Variants in ATXN1 observed in about 807,000 individuals in gnomAD.
ATXN1 encodes ataxin-1.
In ATXN1, 8 loss-of-function variants were observed where a neutral mutation model predicts 56.4. That is an observed-to-expected ratio of 0.14 (90% CI 0.08 to 0.26). The LOEUF (loss-of-function observed/expected upper bound fraction) is 0.26, where lower values mean the gene tolerates loss of function less well. Among genes scored for constraint, ATXN1 ranks in the 10% least tolerant of loss-of-function variants. ATXN1 has a pLI of 1.00. For missense variants in ATXN1, 987 were observed against 1,106.5 expected (o/e 0.89, Z 1.53); for synonymous variants, 514 against 494.6 (o/e 1.04, Z -0.52).
intron 4 of ATXN1, among the ~76,000 whole-genome samples, chr6:16,559,591 T>C (rs539639483): frequency 6.6e-6 from 1 of 152,266 alleles, no homozygotes. Context: ...TATATAATCA[T>C]AAAATATCCT....
At position 16,731,454 on chromosome 6, in the gene ATXN1, C is replaced by CTTTTTTTTTTTTT. The variant is rs71559655; in HGVS notation, c.-615+21766_-615+21778dup. ...ACGAGAGAGGCTTTTTTTTTCTTTT[C>CTTTTTTTTTTTTT]TTTTTTTTTTTTTTTTTTTTTTTTT... On this transcript the variant is annotated intron_variant, in intron 2 of 7. Coordinates refer to ENST00000436367, the MANE Select transcript of ATXN1 (RefSeq NM_001128164.2). Among the ~76,000 whole-genome samples, 117 of 81,786 alleles carry CTTTTTTTTTTTTT rather than the reference C, an allele frequency of 1.4e-3. 14 individuals carry two copies. Among genetic ancestry groups the CTTTTTTTTTTTTT allele is most frequent in the South Asian group, 2.8e-3 (5 of 1,804 alleles). 53.7% of individuals were successfully genotyped at this position (81,786 alleles called of 152,430 possible). A position where few individuals can be genotyped will look rare whatever the true frequency, so the allele number is the denominator to read the frequency against.
intron 4 of ATXN1, among the ~76,000 whole-genome samples, chr6:16,524,869 A>G (rs1761361084): frequency 6.6e-6 from 1 of 152,288 alleles, no homozygotes; most frequent in South Asian, 2.1e-4. Context: ...CCTGGCCACC[A>G]TGGTAAAACC....
At chr6:16,585,025 G>A (rs1021190945) in intron 4 of ATXN1, among the ~76,000 whole-genome samples, 2 of 151,998 alleles carry the variant, frequency 1.3e-5, no homozygotes, top group South Asian at 2.1e-4. Context: ...TTGAGGTCAC[G>A]AGTTTGAGAC....
At chr6:16,703,278 C>A (rs897239013) in intron 2 of ATXN1, among the ~76,000 whole-genome samples, 3 of 151,942 alleles carry the variant, frequency 2.0e-5, no homozygotes, top group African/African-American at 7.3e-5. Context: ...GGGAATTGAA[C>A]AATGAGAACA....
intron 6 of ATXN1, among the ~76,000 whole-genome samples, chr6:16,372,365 A>G (rs1327353661): frequency 6.6e-6 from 1 of 152,152 alleles, no homozygotes; most frequent in East Asian, 1.9e-4. Context: ...TTGAGAGGGA[A>G]CAGAAAAGAA....
chr6:16,592,869 T>C (rs971261820), intron 3 of ATXN1, among the ~76,000 whole-genome samples: 1 of 8,278 alleles, frequency 1.2e-4, no homozygotes, highest in South Asian at 3.8e-3. Flanking sequence ...CTGGTGCGGG[T>C]GGGGGTGGGG....
rs1304862092 is a variant in ATXN1 at position 16,506,965 on chromosome 6, CAAAT to C, written c.-299+15658_-299+15661del. On this transcript the variant is annotated intron_variant, in intron 5 of 7. Coordinates refer to ENST00000436367, the MANE Select transcript of ATXN1 (RefSeq NM_001128164.2). The surrounding 1 kb of genome is among the most constrained non-coding windows in gnomAD (Gnocchi z 4.1). ...ATGGACAGATGGATGGATGGACAGA[CAAAT>C]GGCCGGTGACCAAAATACATATACT... Among the ~76,000 whole-genome samples, 1 of 152,158 alleles carries C rather than the reference CAAAT, an allele frequency of 6.6e-6. No individual in the cohort carries two copies. The highest frequency in any genetic ancestry group is 2.4e-5 in the African/African-American group (1 of 41,432).
intron 4 of ATXN1, among the ~76,000 whole-genome samples, chr6:16,576,456 A>C (rs938397105): frequency 5.9e-5 from 9 of 152,230 alleles, no homozygotes; most frequent in African/African-American, 2.2e-4. Context: ...GCCTTATTAC[A>C]AGAACTGCAC....
At chr6:16,465,233 C>A (rs1246377252) in intron 6 of ATXN1, among the ~76,000 whole-genome samples, 2 of 152,256 alleles carry the variant, frequency 1.3e-5, no homozygotes, top group South Asian at 2.1e-4. Flanking sequence ...GAGGCCAAGG[C>A]AGGTTGATCA....
At chr6:16,436,683 G>A (rs2113590252) in intron 6 of ATXN1, among the ~76,000 whole-genome samples, 1 of 151,986 alleles carries the variant, frequency 6.6e-6, no homozygotes, top group Non-Finnish European at 1.5e-5. Flanking sequence ...GGTGTTCCTG[G>A]CACTGAGTAA....
At chr6:16,554,700 C>T (rs569137113) in intron 4 of ATXN1, among the ~76,000 whole-genome samples, 1 of 151,780 alleles carries the variant, frequency 6.6e-6, no homozygotes, top group East Asian at 1.9e-4. Flanking sequence ...GTGATGCACC[C>T]ACCTCAGCGT....
intron 2 of ATXN1, among the ~76,000 whole-genome samples, chr6:16,711,123 A>C (rs1202266961): frequency 1.3e-5 from 2 of 152,236 alleles, no homozygotes; most frequent in African/African-American, 4.8e-5. Flanking sequence ...AGAGAGTCTT[A>C]AAACACATAT....
At chr6:16,502,847 T>C (rs374404800) in intron 5 of ATXN1, among the ~76,000 whole-genome samples, 2 of 152,230 alleles carry the variant, frequency 1.3e-5, no homozygotes, top group African/African-American at 2.4e-5. Context: ...ATGACAGTAG[T>C]ATAATGAAAA....
chr6:16,420,883 T>G (rs1759018291), intron 6 of ATXN1, among the ~76,000 whole-genome samples: 1 of 152,194 alleles, frequency 6.6e-6, no homozygotes, highest in South Asian at 2.1e-4. Flanking sequence ...AGACTTAAAC[T>G]GCTAAGAGAC....
chr6:16,533,602 T>C (rs1761544138), intron 4 of ATXN1, among the ~76,000 whole-genome samples: 1 of 152,128 alleles, frequency 6.6e-6, no homozygotes, highest in Non-Finnish European at 1.5e-5. Context: ...TTACCATACC[T>C]GATGGAGGGA....
chr6:16,318,099 C>T (rs187826318), intron 7 of ATXN1, among the ~76,000 whole-genome samples: 1 of 152,314 alleles, frequency 6.6e-6, no homozygotes, highest in Admixed American at 6.5e-5. Context: ...ATATTTCAAT[C>T]TTAGATTGGT....
chr6:16,352,350 G>A (rs1761587469), intron 6 of ATXN1, among the ~76,000 whole-genome samples: 1 of 152,208 alleles, frequency 6.6e-6, no homozygotes, highest in African/African-American at 2.4e-5. Flanking sequence ...GGAGTCTAAT[G>A]CAAGCCAGGA....
At chr6:16,675,916 A>T (rs1392042488) in intron 2 of ATXN1, among the ~76,000 whole-genome samples, 1 of 152,050 alleles carries the variant, frequency 6.6e-6, no homozygotes, top group African/African-American at 2.4e-5. Context: ...ATAAAAATAA[A>T]ATAAAATTGT....
intron 2 of ATXN1, among the ~76,000 whole-genome samples, chr6:16,701,838 T>C (rs538905969): frequency 6.6e-4 from 100 of 152,118 alleles, no homozygotes; most frequent in African/African-American, 2.2e-3. Context: ...TAAAAGAGGA[T>C]ACAAACAAAT....
Sources: gnomAD v4.1 joint callset for allele counts (sites outside exome capture counted in the v4.1 genomes callset) on GRCh38, gnomAD v4.1.1 for gene constraint, Gnocchi (gnomAD v3.1) non-coding constraint, MANE v1.5 for transcripts, NCBI Gene and HGNC (gene_info 2026-07-23, HGNC 2026-07-21) for gene names.